ZNF573: variants seen among roughly 807,000 people sequenced by gnomAD.
The protein encoded by ZNF573 is zinc finger protein 573.
ZNF573 carries 41 observed loss-of-function variants against 57.4 expected under a neutral mutation model. That is an observed-to-expected ratio of 0.71 (90% confidence interval 0.56 to 0.93). The LOEUF is 0.93. Among genes scored for constraint, ZNF573 ranks in the 40% least tolerant of loss-of-function variants. The probability of loss-of-function intolerance (pLI) is 0.00; values close to 1 mark genes in which losing one functional copy is unlikely to be tolerated. For synonymous variants in ZNF573, 249 were observed against 261.0 expected (o/e 0.95, Z 0.44); for missense variants, 730 against 794.8 (o/e 0.92, Z 0.98).
chr19:37,769,725 C>CG (rs1273712959), intron 4 of ZNF573, among the ~76,000 whole-genome samples: 5 of 92,612 alleles, frequency 5.4e-5, no homozygotes, highest in South Asian at 3.5e-4. Context: ...GACTCTGTCT[C>CG]GGAAAAAAAA....
intron 4 of ZNF573, among the ~76,000 whole-genome samples, chr19:37,749,168 A>G (rs957920797): frequency 6.6e-6 from 1 of 151,972 alleles, no homozygotes; most frequent in Non-Finnish European, 1.5e-5. Flanking sequence ...GCTACTTACC[A>G]TCAAGTGAGC....
At chr19:37,767,288 G>T (rs2045610605) in intron 4 of ZNF573, among the ~76,000 whole-genome samples, 1 of 152,018 alleles carries the variant, frequency 6.6e-6, no homozygotes, top group South Asian at 2.1e-4. Context: ...GAGTGCAGTG[G>T]CGCGATCTCG....
At chr19:37,773,082 G>A in intron 2 of ZNF573, 1 of 603,450 alleles carries the variant, frequency 1.7e-6, no homozygotes, top group African/African-American at 2.0e-5. Context: ...ACTGATATAG[G>A]ATGACTCATA....
intron 4 of ZNF573, among the ~76,000 whole-genome samples, chr19:37,764,140 T>G (rs1316525164): frequency 6.6e-6 from 1 of 151,602 alleles, no homozygotes; most frequent in Non-Finnish European, 1.5e-5. Context: ...ACTGGAGTAT[T>G]GGAGAATTGG....
chr19:37,776,265 T>C (rs2045708165), intron 1 of ZNF573, among the ~76,000 whole-genome samples: 1 of 152,132 alleles, frequency 6.6e-6, no homozygotes, highest in South Asian at 2.1e-4. Context: ...CAAAACAGCA[T>C]GGGACTGGTA....
At chr19:37,764,252 AT>A (rs2045579643) in intron 4 of ZNF573, among the ~76,000 whole-genome samples, 3 of 151,630 alleles carry the variant, frequency 2.0e-5, no homozygotes, top group African/African-American at 7.3e-5. Context: ...TCATTAGGTA[AT>A]TTATTTTTAT....
At chr19:37,776,042 G>T (rs917226545) in intron 1 of ZNF573, among the ~76,000 whole-genome samples, 3 of 152,026 alleles carry the variant, frequency 2.0e-5, no homozygotes, top group Non-Finnish European at 4.4e-5. Flanking sequence ...TCAGTATGGC[G>T]AAAATGACCA....
chr19:37,756,886 A>G (rs1214173336), intron 4 of ZNF573, among the ~76,000 whole-genome samples: 2 of 151,960 alleles, frequency 1.3e-5, no homozygotes, highest in African/African-American at 4.8e-5. Flanking sequence ...TGTTCCATCG[A>G]ATGAGCCAAC....
intron 4 of ZNF573, among the ~76,000 whole-genome samples, chr19:37,750,084 T>A (rs564315412): frequency 1.0e-3 from 155 of 151,464 alleles, no homozygotes; most frequent in Non-Finnish European, 1.5e-3. Context: ...TATTTTTTTT[T>A]AATTTTTTTT....
In ZNF573 at chr19:37,773,746, C is replaced by A. The variant is rs999650634; in HGVS notation, c.-17G>T. 36 of 1,528,912 alleles carry A rather than the reference C, an allele frequency of 2.4e-5. No individual in the cohort carries two copies. The highest frequency in any genetic ancestry group is 1.7e-4 in the Middle Eastern group (1 of 5,988). The allele number at this position is 1,528,912 out of a possible 1,614,324, so 94.7% of individuals were successfully genotyped here. A position where few individuals can be genotyped will look rare whatever the true frequency, so the allele number is the denominator to read the frequency against. ...TGGAAACATTCAAACTCCAGAGAAT[C>A]CAGAGCTGAGAGAAGAAAAGAGATG... On this transcript the variant is annotated 5_prime_UTR_variant, in exon 2 of 5. Coordinates refer to ENST00000536220, the MANE Select transcript of ZNF573 (RefSeq NM_001172690.2).
chr19:37,742,340 T>G (rs1411235988), intron 4 of ZNF573, among the ~76,000 whole-genome samples: 2 of 152,180 alleles, frequency 1.3e-5, no homozygotes, highest in Admixed American at 6.5e-5. Flanking sequence ...AAATTTTATA[T>G]GGAATCAAAG....
At chr19:37,749,349 G>C (rs1381339935) in intron 4 of ZNF573, among the ~76,000 whole-genome samples, 1 of 151,600 alleles carries the variant, frequency 6.6e-6, no homozygotes, top group African/African-American at 2.4e-5. Flanking sequence ...TTCTCCCTTG[G>C]CTTGATGATT....
intron 4 of ZNF573, among the ~76,000 whole-genome samples, chr19:37,761,622 T>A (rs856301): frequency 1 from 152,093 of 152,288 alleles, 75,951 homozygotes; most frequent in Middle Eastern, 1. Context: ...TTCCAGAGAG[T>A]GTCCCCCATT....
intron 4 of ZNF573, among the ~76,000 whole-genome samples, chr19:37,757,619 T>C (rs1452591782): frequency 1.3e-5 from 2 of 152,196 alleles, no homozygotes; most frequent in East Asian, 3.9e-4. Flanking sequence ...TCAACTACTG[T>C]GGAAGACAGT....
At chr19:37,766,879 A>T (rs953367918) in intron 4 of ZNF573, among the ~76,000 whole-genome samples, 16 of 152,212 alleles carry the variant, frequency 1.1e-4, no homozygotes, top group African/African-American at 3.6e-4. Flanking sequence ...TAAATCTAGC[A>T]TAGCTGACTC....
chr19:37,770,832 T>TTA (rs58757674), intron 3 of ZNF573, among the ~76,000 whole-genome samples: 2,054 of 93,326 alleles, frequency 0.022, 46 homozygotes, highest in Middle Eastern at 0.036. Flanking sequence ...TTAAGTTATT[T>TTA]TATATATATA....
At chr19:37,777,940 C>G (rs1292687649) in intron 1 of ZNF573, among the ~76,000 whole-genome samples, 6 of 148,960 alleles carry the variant, frequency 4.0e-5, no homozygotes, top group Admixed American at 3.4e-4. Context: ...AGGAGAATGG[C>G]CTGAACCCGG....
At chr19:37,766,323 G>C (rs2045602008) in intron 4 of ZNF573, among the ~76,000 whole-genome samples, 1 of 151,986 alleles carries the variant, frequency 6.6e-6, no homozygotes, top group African/African-American at 2.4e-5. Flanking sequence ...TTGAAACAGA[G>C]AAGTGGACCT....
intron 4 of ZNF573, among the ~76,000 whole-genome samples, chr19:37,769,727 GAAAAAA>G (rs397944905): frequency 7.2e-5 from 4 of 55,212 alleles, no homozygotes; most frequent in African/African-American, 1.4e-4. Flanking sequence ...CTCTGTCTCG[GAAAAAA>G]AAAAAAAAAA....
Sources: allele counts gnomAD v4.1 joint callset (sites outside exome capture counted in the v4.1 genomes callset), GRCh38; gene constraint gnomAD v4.1.1; transcripts MANE v1.5; gene names NCBI Gene and HGNC (gene_info 2026-07-23, HGNC 2026-07-21).